HIBCH: variants seen among roughly 807,000 people sequenced by gnomAD.
HIBCH encodes 3-hydroxyisobutyryl-CoA hydrolase, mitochondrial.
HIBCH carries 50 observed loss-of-function variants against 58.2 expected under a neutral mutation model. The observed-to-expected ratio is 0.86, with a 90% CI of 0.68 to 1.09. The LOEUF (loss-of-function observed/expected upper bound fraction) is 1.09, where lower values mean the gene tolerates loss of function less well. Ranked by LOEUF, HIBCH falls within the 50% of genes least tolerant of loss-of-function variation. The probability of loss-of-function intolerance (pLI) is 0.00; values close to 1 mark genes in which losing one functional copy is unlikely to be tolerated. For synonymous variants in HIBCH, 151 were observed against 146.9 expected, an observed-to-expected ratio of 1.03 and a Z score of -0.20; for missense variants, 450 against 449.7, an observed-to-expected ratio of 1.00 and a Z score of -0.01.
intron 1 of HIBCH, among the ~76,000 whole-genome samples, chr2:190,191,482 T>G (rs973876092): frequency 6.6e-6 from 1 of 152,222 alleles, no homozygotes; most frequent in South Asian, 2.1e-4. Flanking sequence ...AATTTTCATG[T>G]ATCTAGGGTA....
At chr2:190,250,957 A>G (rs192652828) in intron 8 of HIBCH, among the ~76,000 whole-genome samples, 5 of 152,318 alleles carry the variant, frequency 3.3e-5, no homozygotes, top group East Asian at 1.9e-4. Flanking sequence ...AATCATCATC[A>G]TTTGTAAAAA....
chr2:190,273,921 C>T (rs1372178358), intron 6 of HIBCH, among the ~76,000 whole-genome samples: 6 of 152,050 alleles, frequency 3.9e-5, no homozygotes, highest in African/African-American at 1.2e-4. Flanking sequence ...ACAATCCTCC[C>T]GCCTCAACCT....
intron 3 of HIBCH, 48 bp downstream of exon 3, chr2:190,296,765 A>C (rs769007284): frequency 1.3e-6 from 2 of 1,493,760 alleles, no homozygotes; most frequent in Non-Finnish European, 1.9e-6. Context: ...TCCTATTATG[A>C]TATACTTTGA....
At chr2:190,292,353 G>A (rs1207520700) in intron 4 of HIBCH, among the ~76,000 whole-genome samples, 1 of 151,844 alleles carries the variant, frequency 6.6e-6, no homozygotes, top group Non-Finnish European at 1.5e-5. Flanking sequence ...TCACCAGGCT[G>A]GAGTGCGGTG....
Position 190,207,899 on chromosome 2 carries a change from AT to A in HIBCH, c.1045+980del, listed in dbSNP as rs1690429997. Among the ~76,000 whole-genome samples the A allele has an allele frequency of 2.6e-5, 4 of 152,020 alleles. No homozygotes were observed. Among genetic ancestry groups the A allele is most frequent in the African/African-American group, 4.8e-5 (2 of 41,390 alleles). On this transcript the variant is annotated intron_variant, in intron 13 of 13. Transcript: ENST00000359678. The surrounding 1 kb of genome is among the most constrained non-coding windows in gnomAD (Gnocchi z 4.5). The stretch of plus-strand genomic sequence containing the variant: ...CTGTCTCCAAAAAAAATAAAATAAA[AT>A]AAAAAAAACAAAGGATATCCAGAGT...
At position 190,281,427 on chromosome 2, in the gene HIBCH, G is replaced by A. The variant is rs1007437997; in HGVS notation, c.438+6159C>T. Among the ~76,000 whole-genome samples, 3 of 152,170 alleles carry A rather than the reference G, an allele frequency of 2.0e-5. No homozygotes were observed. The highest frequency in any genetic ancestry group is 2.0e-4 in the Admixed American group (3 of 15,276). ...AATTCTGGGAGCAGAGGCCCAAGCA[G>A]CCCCGGGCGGTAAGCTTATAGGGGG... On this transcript the variant is annotated intron_variant, in intron 6 of 13. Coordinates refer to ENST00000359678, the MANE Select transcript of HIBCH (RefSeq NM_014362.4). This position sits in a 1 kb window ranked among gnomAD's most constrained non-coding sequence, Gnocchi z 5.4.
rs370172555 is a variant in HIBCH at position 190,259,319 on chromosome 2, ATGTGTGTGTGTG to A, written c.517+1825_517+1836del. ...AAGTTTTGTAGTTTTCAGTATACAG[ATGTGTGTGTGTG>A]TGTGTGTGTGTGTGTGTGTGTGTGT... is the stretch of plus-strand genomic sequence containing the variant. On this transcript the variant is annotated intron_variant, in intron 7 of 13. Coordinates refer to ENST00000359678, the MANE Select transcript of HIBCH (RefSeq NM_014362.4). 8.6e-3 allele frequency among the ~76,000 whole-genome samples: 1,054 copies of A among 122,186 alleles called. 18 individuals are homozygous for A. Among genetic ancestry groups the A allele is most frequent in the African/African-American group, 0.028 (909 of 32,918 alleles). The allele number at this position is 122,186 out of a possible 152,430, so 80.2% of individuals were successfully genotyped here.
intron 1 of HIBCH, among the ~76,000 whole-genome samples, chr2:190,314,265 T>C (rs1688632988): frequency 1.6e-5 from 1 of 63,542 alleles, no homozygotes; most frequent in Non-Finnish European, 3.0e-5. Context: ...TGTGGACCAG[T>C]TACTACAAAA....
At chr2:190,198,325 C>T (rs998491557) in intron 1 of HIBCH, among the ~76,000 whole-genome samples, 1 of 152,116 alleles carries the variant, frequency 6.6e-6, no homozygotes, top group Non-Finnish European at 1.5e-5. Context: ...GAATTAGATG[C>T]ACGCAAGCTT....
In HIBCH at chr2:190,208,893, T is replaced by G; in HGVS notation, c.1032A>C (p.Glu344Asp). ...TTTGCCACTTACCAGCTCTAACGCC[T>G]TCATGAAAGTCATGACCTCTCTGAA... Reference protein sequence around the residue: ...QACMRGHDFHEGVRAVLIDKD... With the variant: ...QACMRGHDFHDGVRAVLIDKD... The change falls in exon 13 of 14, where the codon GAA becomes GAC. Residue 344 changes from glutamate (E) to aspartate (D), a missense_variant. By Grantham distance (45) the Glu-to-Asp change is conservative. Transcript: ENST00000359678. 1 of 1,613,770 alleles carries G rather than the reference T, an allele frequency of 6.2e-7. No homozygotes were observed. The highest frequency in any genetic ancestry group is 8.5e-7 in the Non-Finnish European group (1 of 1,179,762).
chr2:190,225,631 G>A (rs1020346358), intron 11 of HIBCH, among the ~76,000 whole-genome samples: 38 of 152,034 alleles, frequency 2.5e-4, no homozygotes, highest in African/African-American at 9.2e-4. Context: ...ATAATTAATA[G>A]CCCACCAACC....
chr2:190,300,959 T>G (rs939760262), intron 2 of HIBCH, among the ~76,000 whole-genome samples: 1 of 152,198 alleles, frequency 6.6e-6, no homozygotes, highest in Admixed American at 6.5e-5. Context: ...ATCAGACACA[T>G]GTCTGTCTGA....
downstream of HIBCH, chr2:190,201,910 T>G (rs1452930658): frequency 6.0e-6 from 1 of 167,060 alleles, no homozygotes; most frequent in Non-Finnish European, 1.5e-5. Flanking sequence ...TGGTTGTTTT[T>G]CATTCATTTT....
At chr2:190,269,721 G>C (rs989369030) in intron 6 of HIBCH, among the ~76,000 whole-genome samples, 3 of 152,004 alleles carry the variant, frequency 2.0e-5, no homozygotes, top group Non-Finnish European at 2.9e-5. Flanking sequence ...CCCATTACTG[G>C]GTATATACCC....
chr2:190,270,186 C>T (rs762571107), intron 6 of HIBCH, among the ~76,000 whole-genome samples: 76 of 151,076 alleles, frequency 5.0e-4, no homozygotes, highest in Admixed American at 5.9e-4. Flanking sequence ...TATACCTGCA[C>T]GTTCTGCACA....
intron 7 of HIBCH, among the ~76,000 whole-genome samples, chr2:190,259,633 G>T (rs1292047256): frequency 6.6e-6 from 1 of 152,010 alleles, no homozygotes; most frequent in East Asian, 1.9e-4. Context: ...AAATGAAATT[G>T]TTTTCTTATT....
In HIBCH at chr2:190,192,452, C is replaced by CTGTGTGTGTGTGTGTGTGTG. The variant is rs147936734; in HGVS notation, c.*18-2475_*18-2456dup. On this transcript the variant is annotated intron_variant, in intron 1 of 1. Transcript: ENST00000399855. Reference sequence around the variant, plus strand: ...TGTGTTTCCATGTATAATTCAGAATCTGTGTGTGTGTGTGTGTGTGTGTGT... The same window carrying CTGTGTGTGTGTGTGTGTGTG: ...TGTGTTTCCATGTATAATTCAGAATCTGTGTGTGTGTGTGTGTGTGTGTGTGTGTGTGTGTGTGTGTGTGT... Among the ~76,000 whole-genome samples the CTGTGTGTGTGTGTGTGTGTG allele has an allele frequency of 3.1e-3, 451 of 145,336 alleles. 2 individuals are homozygous for CTGTGTGTGTGTGTGTGTGTG. Among genetic ancestry groups the CTGTGTGTGTGTGTGTGTGTG allele is most frequent in the African/African-American group, 0.011 (432 of 39,046 alleles).
intron 3 of HIBCH, among the ~76,000 whole-genome samples, chr2:190,295,314 G>A (rs1688075443): frequency 6.6e-6 from 1 of 152,154 alleles, no homozygotes; most frequent in Admixed American, 6.5e-5. Context: ...GACTTTTTTA[G>A]ATTTTAGAAT....
intron 1 of HIBCH, among the ~76,000 whole-genome samples, chr2:190,195,053 G>A (rs369854453): frequency 6.6e-6 from 1 of 152,104 alleles, no homozygotes; most frequent in East Asian, 1.9e-4. Flanking sequence ...TTGTAGAGAC[G>A]GGGTCTTGCT....
Sources: gnomAD v4.1 joint callset for allele counts (sites outside exome capture counted in the v4.1 genomes callset) on GRCh38, gnomAD v4.1.1 for gene constraint, Gnocchi (gnomAD v3.1) non-coding constraint, MANE v1.5 for transcripts, NCBI Gene and HGNC (gene_info 2026-07-23, HGNC 2026-07-21) for gene names.